The following AKAP13 variants were observed in gnomAD, a reference collection of about 807,000 sequenced individuals.
The protein encoded by AKAP13 is A-kinase anchoring protein 13.
Under a neutral mutation model 264.5 loss-of-function variants are expected in AKAP13, and 80 were observed. The ratio of observed to expected loss-of-function variants is 0.30; its 90% confidence interval spans 0.25 to 0.36. AKAP13 has a LOEUF of 0.36. AKAP13 is among the 10% of genes least tolerant of loss of function. The pLI, the probability that AKAP13 is intolerant of heterozygous loss-of-function variation, is 1.00. For synonymous variants in AKAP13, 1,380 were observed against 1,250.2 expected (o/e 1.10, Z -2.19); for missense variants, 3,712 against 3,435.2 (o/e 1.08, Z -2.01).
chr15:85,434,376 C>T (rs1056259148), intron 1 of AKAP13, among the ~76,000 whole-genome samples: 33 of 152,176 alleles, frequency 2.2e-4, no homozygotes, highest in African/African-American at 6.5e-4. Context: ...AACTGCAAGG[C>T]GGCAGCGAGG....
intron 8 of AKAP13, among the ~76,000 whole-genome samples, chr15:85,636,781 A>AT (rs1434860863): frequency 6.6e-6 from 1 of 151,912 alleles, no homozygotes; most frequent in African/African-American, 2.4e-5. Context: ...CACCTGGCTG[A>AT]TTTTTGTATT....
At chr15:85,599,347 A>G (rs1442948848) in intron 8 of AKAP13, among the ~76,000 whole-genome samples, 1 of 152,242 alleles carries the variant, frequency 6.6e-6, no homozygotes, top group East Asian at 1.9e-4. Flanking sequence ...TTGCTTTTAA[A>G]TCGAAAGACT....
chr15:85,625,464 A>G (rs2081366455), intron 8 of AKAP13, among the ~76,000 whole-genome samples: 1 of 151,974 alleles, frequency 6.6e-6, no homozygotes, highest in Non-Finnish European at 1.5e-5. Flanking sequence ...TAGCGTGAAA[A>G]CCTCAGTCTT....
chr15:85,737,957 G>A (rs1008042039), intron 33 of AKAP13, among the ~76,000 whole-genome samples: 5 of 151,998 alleles, frequency 3.3e-5, no homozygotes, highest in African/African-American at 7.2e-5. Flanking sequence ...TCTTTATGGC[G>A]ACTTTTCCCT....
At chr15:85,399,511 A>T (rs2071292870) in intron 1 of AKAP13, among the ~76,000 whole-genome samples, 5 of 76,494 alleles carry the variant, frequency 6.5e-5, no homozygotes, top group Non-Finnish European at 1.4e-4. Flanking sequence ...TCAAAAAAAA[A>T]AAAAAAAAAA....
At chr15:85,641,603 A>C (rs944648659) in intron 9 of AKAP13, among the ~76,000 whole-genome samples, 1 of 151,784 alleles carries the variant, frequency 6.6e-6, no homozygotes, top group East Asian at 2.0e-4. Flanking sequence ...CTCCTGCCTC[A>C]GCCTTCTGAG....
chr15:85,462,642 C>G (rs62022085), intron 1 of AKAP13, among the ~76,000 whole-genome samples: 20,696 of 152,176 alleles, frequency 0.14, 1,802 homozygotes, highest in Non-Finnish European at 0.2. Context: ...GCTGTTATTA[C>G]TATACTCATT....
intron 1 of AKAP13, among the ~76,000 whole-genome samples, chr15:85,454,234 A>C (rs1294467500): frequency 6.6e-6 from 1 of 152,146 alleles, no homozygotes; most frequent in African/African-American, 2.4e-5. Context: ...AAGCCCAAGT[A>C]TCTAAGGCTC....
At chr15:85,459,564 A>G (rs973195294) in intron 1 of AKAP13, among the ~76,000 whole-genome samples, 11 of 151,314 alleles carry the variant, frequency 7.3e-5, no homozygotes, top group African/African-American at 2.4e-4. Context: ...CAGTGGTGCA[A>G]TCTCAGCTCA....
At chr15:85,519,502 A>T (rs2076734527) in intron 2 of AKAP13, among the ~76,000 whole-genome samples, 1 of 152,170 alleles carries the variant, frequency 6.6e-6, no homozygotes, top group South Asian at 2.1e-4. Flanking sequence ...TGAGAAATGG[A>T]CTCTTCTCAT....
chr15:85,454,051 A>G (rs896708310), intron 1 of AKAP13, among the ~76,000 whole-genome samples: 1 of 152,196 alleles, frequency 6.6e-6, no homozygotes, highest in Non-Finnish European at 1.5e-5. Context: ...GTGCAGTGCC[A>G]CTACTGGCAG....
intron 1 of AKAP13, among the ~76,000 whole-genome samples, chr15:85,482,240 A>G (rs2075373912): frequency 6.6e-6 from 1 of 152,180 alleles, no homozygotes; most frequent in African/African-American, 2.4e-5. Flanking sequence ...TTTGGGGTAA[A>G]TGATATCTTC....
intron 2 of AKAP13, among the ~76,000 whole-genome samples, chr15:85,486,632 G>C (rs1019067817): frequency 5.3e-5 from 8 of 151,302 alleles, no homozygotes; most frequent in African/African-American, 1.9e-4. Flanking sequence ...TTTCAACAGT[G>C]TTTGGTAGTT....
At chr15:85,697,646 G>A (rs1388860569) in intron 17 of AKAP13, among the ~76,000 whole-genome samples, 1 of 152,158 alleles carries the variant, frequency 6.6e-6, no homozygotes, top group Non-Finnish European at 1.5e-5. Flanking sequence ...CAACTAATGG[G>A]TAGATTTAAA....
intron 1 of AKAP13, among the ~76,000 whole-genome samples, chr15:85,474,410 GGCTAACCTAGTTCTTT>G (rs575667350): frequency 6.6e-6 from 1 of 152,144 alleles, no homozygotes; most frequent in Non-Finnish European, 1.5e-5. Flanking sequence ...GCTTTTAGTT[GGCTAACCTAGTTCTTT>G]GCCACATAAA....
At chr15:85,695,237 T>C (rs1481319524) in intron 17 of AKAP13, among the ~76,000 whole-genome samples, 1 of 152,194 alleles carries the variant, frequency 6.6e-6, no homozygotes, top group Non-Finnish European at 1.5e-5. Flanking sequence ...AAACCCCGTC[T>C]CTACTAAAAA....
chr15:85,684,081 G>T (rs2084762503), intron 15 of AKAP13, among the ~76,000 whole-genome samples: 1 of 152,072 alleles, frequency 6.6e-6, no homozygotes, highest in African/African-American at 2.4e-5. Context: ...AGATTCCTTG[G>T]TTTGCAACTC....
In AKAP13 at chr15:85,677,737, C is replaced by T. The variant is rs534376089; in HGVS notation, c.5102-4421C>T. Reference sequence around the variant, plus strand: ...CGCGATCTTGCCTCCCAGGTTCACGCCATTCTTCTGCCTCAGCCTCCCGGG... The same window carrying T: ...CGCGATCTTGCCTCCCAGGTTCACGTCATTCTTCTGCCTCAGCCTCCCGGG... On this transcript the variant is annotated intron_variant, in intron 14 of 36. Coordinates refer to ENST00000394518, the MANE Select transcript of AKAP13 (RefSeq NM_007200.5). Among the ~76,000 whole-genome samples, 85 of 151,730 alleles carry T rather than the reference C, an allele frequency of 5.6e-4. No homozygotes were observed. The South Asian group carries it at 0.014, about 25-fold the overall frequency.
intron 1 of AKAP13, among the ~76,000 whole-genome samples, chr15:85,422,538 GTTTT>G (rs1173912322): frequency 6.6e-6 from 1 of 152,158 alleles, no homozygotes; most frequent in African/African-American, 2.4e-5. Flanking sequence ...TTGAACAGAG[GTTTT>G]TTGTTTTGTT....
Sources: gnomAD v4.1 joint callset for allele counts (sites outside exome capture counted in the v4.1 genomes callset) on GRCh38, gnomAD v4.1.1 for gene constraint, MANE v1.5 for transcripts, NCBI Gene and HGNC (gene_info 2026-07-23, HGNC 2026-07-21) for gene names.